The following MYO3A variants were observed in gnomAD, a reference collection of about 807,000 sequenced individuals.
MYO3A encodes the protein myosin-IIIa.
Under a neutral mutation model 192.7 loss-of-function variants are expected in MYO3A, and 180 were observed. The observed-to-expected ratio is 0.93, with a 90% CI of 0.83 to 1.06. MYO3A has a LOEUF of 1.06. Ranked by LOEUF, MYO3A falls within the 50% of genes least tolerant of loss-of-function variation. MYO3A has a pLI of 0.00. For missense variants in MYO3A, 1,896 were observed against 1,905.0 expected, an observed-to-expected ratio of 1.00 and a Z score of 0.09; for synonymous variants, 628 against 645.3, an observed-to-expected ratio of 0.97 and a Z score of 0.41.
At chr10:25,936,640 C>G (rs1331040404) in intron 2 of MYO3A, among the ~76,000 whole-genome samples, 1 of 152,208 alleles carries the variant, frequency 6.6e-6, no homozygotes, top group Non-Finnish European at 1.5e-5. Context: ...ACTACTTTGG[C>G]GACACATTGG....
intron 20 of MYO3A, among the ~76,000 whole-genome samples, chr10:26,134,044 T>C (rs898771497): frequency 6.6e-6 from 1 of 152,202 alleles, no homozygotes; most frequent in Non-Finnish European, 1.5e-5. Flanking sequence ...GTAAAATCCT[T>C]TATGTCTCTT....
chr10:26,063,341 T>C (rs61849342), intron 10 of MYO3A, among the ~76,000 whole-genome samples: 71,726 of 151,892 alleles, frequency 0.47, 17,761 homozygotes, highest in Middle Eastern at 0.59. Context: ...TCATGGATGA[T>C]ATTGTTGGTG....
At chr10:25,937,630 C>T (rs1037619575) in intron 2 of MYO3A, among the ~76,000 whole-genome samples, 1 of 152,112 alleles carries the variant, frequency 6.6e-6, no homozygotes, top group Admixed American at 6.5e-5. Flanking sequence ...CTAACACCAC[C>T]TTTTAAAGAT....
chr10:26,161,832 G>A (rs755741462), intron 26 of MYO3A, among the ~76,000 whole-genome samples: 1 of 151,978 alleles, frequency 6.6e-6, no homozygotes, highest in Admixed American at 6.6e-5. Flanking sequence ...GTGGCCTAGG[G>A]GATGCCCTCC....
intron 10 of MYO3A, among the ~76,000 whole-genome samples, chr10:26,036,276 A>C (rs1488256975): frequency 8.7e-6 from 1 of 114,362 alleles, no homozygotes; most frequent in Non-Finnish European, 2.1e-5. Flanking sequence ...AAGGATACAG[A>C]GTGTGGAAAA....
Position 26,201,315 on chromosome 10 carries a change from A to G in MYO3A, c.4586+10A>G. ...GACCAAGGAAAGACAGGTAATTATT[A>G]CTTCTGGATTTCAATCAGTCATCTT... On this transcript the variant is annotated intron_variant, in intron 33 of 34. Transcript: ENST00000642920. 6.4e-7 allele frequency: 1 copy of G among 1,562,806 alleles called. No individual in the cohort carries two copies. The highest frequency in any genetic ancestry group is 8.8e-7 in the Non-Finnish European group (1 of 1,140,224).
At chr10:26,008,638 C>G (rs553851205) in intron 6 of MYO3A, among the ~76,000 whole-genome samples, 2 of 151,872 alleles carry the variant, frequency 1.3e-5, no homozygotes, top group South Asian at 4.2e-4. Context: ...TGCTCACCAT[C>G]ACTGGCTATC....
At chr10:26,148,945 T>C (rs925160768) in intron 23 of MYO3A, among the ~76,000 whole-genome samples, 2 of 152,136 alleles carry the variant, frequency 1.3e-5, no homozygotes, top group Non-Finnish European at 2.9e-5. Flanking sequence ...TGCCTGTTCT[T>C]TTCCAATATG....
intron 4 of MYO3A, among the ~76,000 whole-genome samples, chr10:25,992,261 A>G (rs183614072): frequency 0.095 from 14,456 of 152,064 alleles, 1,213 homozygotes; most frequent in African/African-American, 0.22. Context: ...TAGATATTTT[A>G]TTCTCTTTGA....
At chr10:25,953,676 C>T (rs1837357159) in intron 3 of MYO3A, among the ~76,000 whole-genome samples, 1 of 152,088 alleles carries the variant, frequency 6.6e-6, no homozygotes, top group Admixed American at 6.6e-5. Flanking sequence ...GGCTTATAAT[C>T]CATGTAACGA....
chr10:26,045,826 C>T (rs916291836), intron 10 of MYO3A, among the ~76,000 whole-genome samples: 1 of 152,172 alleles, frequency 6.6e-6, no homozygotes, highest in Non-Finnish European at 1.5e-5. Flanking sequence ...AAGACCCACT[C>T]TTTATCCAAT....
intron 23 of MYO3A, among the ~76,000 whole-genome samples, chr10:26,149,208 T>G (rs1213671965): frequency 6.6e-6 from 1 of 151,804 alleles, no homozygotes; most frequent in Non-Finnish European, 1.5e-5. Context: ...TTTTTTGTTG[T>G]TGGTTGTTTT....
chr10:26,056,978 C>G (rs59180311), intron 10 of MYO3A, among the ~76,000 whole-genome samples: 38 of 151,738 alleles, frequency 2.5e-4, no homozygotes. Context: ...AAATAGATGC[C>G]ATGAAAGCTA....
intron 26 of MYO3A, among the ~76,000 whole-genome samples, chr10:26,162,433 G>T (rs1361653704): frequency 6.6e-6 from 1 of 152,038 alleles, no homozygotes; most frequent in Non-Finnish European, 1.5e-5. Flanking sequence ...TAGTTTATTG[G>T]CTCTTTCTTG....
chr10:25,950,747 A>T (rs987148590), intron 2 of MYO3A, among the ~76,000 whole-genome samples: 1 of 152,154 alleles, frequency 6.6e-6, no homozygotes, highest in African/African-American at 2.4e-5. Context: ...AAGAGGGCTG[A>T]TGGGCTTAAA....
At chr10:26,178,804 T>C (rs1842459464) in intron 31 of MYO3A, among the ~76,000 whole-genome samples, 1 of 151,826 alleles carries the variant, frequency 6.6e-6, no homozygotes, top group Non-Finnish European at 1.5e-5. Flanking sequence ...ATTTATTTAT[T>C]TATTTATTTA....
Position 26,036,164 on chromosome 10 carries a change from T to C in MYO3A, c.953+9632T>C, listed in dbSNP as rs545025337. On this transcript the variant is annotated intron_variant, in intron 10 of 34. Transcript: ENST00000642920. ...CTGTGTTAGCCAGAATGGTCTCAAT[T>C]TCCAGACCTCGTGATCTGCCCGCCT... Among the ~76,000 whole-genome samples the C allele has an allele frequency of 7.6e-4, 116 of 152,118 alleles. 1 individual carries two copies. Among genetic ancestry groups the C allele is most frequent in the Middle Eastern group, 3.4e-3 (1 of 294 alleles).
At chr10:26,137,560 G>A (rs1839922420) in intron 20 of MYO3A, among the ~76,000 whole-genome samples, 2 of 152,152 alleles carry the variant, frequency 1.3e-5, no homozygotes, top group Non-Finnish European at 2.9e-5. Context: ...AAAAAGAACA[G>A]AATAACAGCG....
intron 2 of MYO3A, among the ~76,000 whole-genome samples, chr10:25,951,844 TAAC>T (rs917100745): frequency 6.6e-6 from 1 of 152,168 alleles, no homozygotes; most frequent in Non-Finnish European, 1.5e-5. Context: ...TAAAAAGAAT[TAAC>T]AGCAATTAAT....
Sources: gnomAD v4.1 joint callset for allele counts (sites outside exome capture counted in the v4.1 genomes callset) on GRCh38, gnomAD v4.1.1 for gene constraint, MANE v1.5 for transcripts, NCBI Gene and HGNC (gene_info 2026-07-23, HGNC 2026-07-21) for gene names.